STARD9: variants seen among roughly 807,000 people sequenced by gnomAD.
The protein encoded by STARD9 is stAR-related lipid transfer protein 9.
A neutral mutation model predicts 399.8 loss-of-function variants in STARD9; 346 were observed. The ratio of observed to expected loss-of-function variants is 0.87; its 90% CI spans 0.79 to 0.95. The LOEUF (loss-of-function observed/expected upper bound fraction) is 0.95, where lower values mean the gene tolerates loss of function less well. STARD9 is among the 40% of genes least tolerant of loss of function. The probability of loss-of-function intolerance (pLI) is 0.00; values close to 1 mark genes in which losing one functional copy is unlikely to be tolerated. For missense variants in STARD9, 5,832 were observed against 5,667.5 expected (o/e 1.03, Z -0.93); for synonymous variants, 2,203 against 2,143.5 (o/e 1.03, Z -0.77).
chr15:42,673,049 G>C (rs2140154965), intron 16 of STARD9: 1 of 151,288 alleles, frequency 6.6e-6, no homozygotes, highest in East Asian at 1.9e-4. Flanking sequence ...GGTGAGCCAA[G>C]ATCGTGCCAC....
intron 26 of STARD9, among the ~76,000 whole-genome samples, chr15:42,711,217 G>A (rs1448214680): frequency 6.7e-6 from 1 of 149,998 alleles, no homozygotes; most frequent in Non-Finnish European, 1.5e-5. Flanking sequence ...TCGGCTCACT[G>A]CAACCTCTGC....
In STARD9 at chr15:42,690,808, G is replaced by C; in HGVS notation, c.9230G>C (p.Gly3077Ala). 1 of 1,537,244 alleles carries C rather than the reference G, an allele frequency of 6.5e-7. No homozygotes were observed. Among genetic ancestry groups the C allele is most frequent in the African/African-American group, 1.4e-5 (1 of 73,132 alleles). ...TGSFSHSATD[G>A]SVGLIGVPEK... Reference sequence around the variant, plus strand: ...TCCTTCAGCCACTCAGCTACTGATGGAAGCGTGGGGTTAATAGGGGTTCCT... The same window carrying C: ...TCCTTCAGCCACTCAGCTACTGATGCAAGCGTGGGGTTAATAGGGGTTCCT... Residue 3077 changes from glycine (G) to alanine (A), a missense_variant, in exon 23 of 33, where the codon GGA becomes GCA. By Grantham distance (60) the Gly-to-Ala change is moderately conservative. Coordinates refer to ENST00000290607, the MANE Select transcript of STARD9 (RefSeq NM_020759.3).
At chr15:42,674,210 AT>A (rs1213183239) in intron 16 of STARD9, among the ~76,000 whole-genome samples, 1 of 152,172 alleles carries the variant, frequency 6.6e-6, no homozygotes, top group Non-Finnish European at 1.5e-5. Flanking sequence ...TTTGTGGTAT[AT>A]TTTTTAGCTC....
intron 3 of STARD9, among the ~76,000 whole-genome samples, chr15:42,586,301 G>T (rs2058276325): frequency 6.6e-6 from 1 of 152,232 alleles, no homozygotes; most frequent in African/African-American, 2.4e-5. Context: ...AGCCTGCAAG[G>T]TAGGTAGGAG....
At chr15:42,675,066 A>G in intron 18 of STARD9, 102 bp downstream of exon 18, 1 of 1,266,842 alleles carries the variant, frequency 7.9e-7, no homozygotes, top group East Asian at 2.8e-5. Flanking sequence ...AAAATGGATC[A>G]CCCAGCCTCT....
chr15:42,712,682 A>G (rs539014277), intron 26 of STARD9, among the ~76,000 whole-genome samples: 18 of 152,238 alleles, frequency 1.2e-4, no homozygotes, highest in East Asian at 3.9e-4. Context: ...CTACATATCT[A>G]TCCTTATGCC....
chr15:42,606,428 C>G (rs528828949), intron 3 of STARD9, among the ~76,000 whole-genome samples: 2 of 152,292 alleles, frequency 1.3e-5, no homozygotes, highest in African/African-American at 2.4e-5. Context: ...ATTGGCCCCT[C>G]TCTCTGAGAT....
chr15:42,602,045 C>T (rs1375184500), intron 3 of STARD9, among the ~76,000 whole-genome samples: 2 of 152,196 alleles, frequency 1.3e-5, no homozygotes, highest in Non-Finnish European at 2.9e-5. Context: ...CAGTGTTTCA[C>T]CATGTTGGCC....
At chr15:42,642,488 A>G (rs1303055117) in intron 7 of STARD9, among the ~76,000 whole-genome samples, 2 of 152,232 alleles carry the variant, frequency 1.3e-5, no homozygotes, top group Admixed American at 6.5e-5. Context: ...ATTTTAATAT[A>G]AAGGTACAGG....
In STARD9 at chr15:42,689,875, A is replaced by G; in HGVS notation, c.8297A>G (p.Gln2766Arg). The G allele has an allele frequency of 2.0e-6, 3 of 1,537,546 alleles. No homozygotes were observed. The highest frequency in any genetic ancestry group is 1.7e-4 in the Middle Eastern group (1 of 5,994). ...CATGAGCTAAGTCAGTCAGTTCCGCAGGAGACTGCAGAGGGCATACCCCCT... is the reference window on the plus strand; with the variant it reads ...CATGAGCTAAGTCAGTCAGTTCCGCGGGAGACTGCAGAGGGCATACCCCCT... ...TLHELSQSVPQETAEGIPPGS... is the reference protein window; with the variant it reads ...TLHELSQSVPRETAEGIPPGS... The change falls in exon 23 of 33, where the codon CAG becomes CGG. Residue 2766 changes from glutamine to arginine, a missense_variant. Gln to Arg is a conservative substitution (Grantham distance 43). Coordinates refer to ENST00000290607, the MANE Select transcript of STARD9 (RefSeq NM_020759.3).
chr15:42,711,488 C>T (rs1163239403), intron 26 of STARD9, among the ~76,000 whole-genome samples: 1 of 152,182 alleles, frequency 6.6e-6, no homozygotes, highest in African/African-American at 2.4e-5. Context: ...TTAGGGACCA[C>T]TCTAATCCAG....
At chr15:42,597,334 A>G (rs895643189) in intron 3 of STARD9, among the ~76,000 whole-genome samples, 12 of 152,156 alleles carry the variant, frequency 7.9e-5, no homozygotes, top group Non-Finnish European at 1.3e-4. Flanking sequence ...GATTATAGGC[A>G]TAAGCCACCG....
rs74626491 is a variant in STARD9 at position 42,677,925 on chromosome 15, C to A, written c.1874+1950C>A. On this transcript the variant is annotated intron_variant, in intron 20 of 32. Transcript: ENST00000290607. ...ATCATGGTGTTGTGCTCTTCTCTTG[C>A]CTTTTTAAAGTCTTCTATGGCTCTC... Among the ~76,000 whole-genome samples the A allele has an allele frequency of 9.0e-3, 1,365 of 152,330 alleles. 56 individuals are homozygous for A. The highest frequency in any genetic ancestry group is 0.064 in the Admixed American group (982 of 15,302).
intron 3 of STARD9, among the ~76,000 whole-genome samples, chr15:42,633,650 T>C (rs528375575): frequency 7.3e-5 from 11 of 151,252 alleles, no homozygotes; most frequent in East Asian, 3.9e-4. Context: ...TTCTTTCTTT[T>C]TTTTTTTTTT....
Position 42,691,361 on chromosome 15 carries a change from G to T in STARD9, c.9783G>T (p.Lys3261Asn). The T allele has an allele frequency of 6.5e-7, 1 of 1,537,204 alleles. No homozygotes were observed. The highest frequency in any genetic ancestry group is 8.7e-7 in the Non-Finnish European group (1 of 1,146,896). Residue 3261 changes from lysine to asparagine, a missense_variant, in exon 23 of 33, where the codon AAG becomes AAT. This residue lies in a region of STARD9 where 5,828 missense variants were observed against 5,651.1 expected (regional missense o/e 1.03). Coordinates refer to ENST00000290607, the MANE Select transcript of STARD9 (RefSeq NM_020759.3). Reference sequence around the variant, plus strand: ...CTGTGGCCAAGCCTCCTGTGTCCAAGATTTTATCACAGGGCTTCAAAGACC... The same window carrying T: ...CTGTGGCCAAGCCTCCTGTGTCCAATATTTTATCACAGGGCTTCAAAGACC... ...EVAVAKPPVS[K>N]ILSQGFKDPA... is the part of the protein sequence containing the mutation.
chr15:42,598,000 A>ATATGTGTGTGTG (rs1555388916), intron 3 of STARD9, among the ~76,000 whole-genome samples: 37 of 115,182 alleles, frequency 3.2e-4, no homozygotes, highest in African/African-American at 9.6e-4. Context: ...GTATATATAT[A>ATATGTGTGTGTG]TGTGTGTGTG....
chr15:42,647,814 C>T (rs903262610), intron 7 of STARD9, among the ~76,000 whole-genome samples: 1 of 151,916 alleles, frequency 6.6e-6, no homozygotes, highest in African/African-American at 2.4e-5. Flanking sequence ...TTTTTCGTTA[C>T]TTTGTCTTTT....
chr15:42,687,047 G>C lies in STARD9; in HGVS notation c.5469G>C (p.Leu1823=), dbSNP rs1276115110. 1 of 1,536,946 alleles carries C rather than the reference G, an allele frequency of 6.5e-7. No individual in the cohort carries two copies. The highest frequency in any genetic ancestry group is 1.4e-5 in the African/African-American group (1 of 73,032). The part of the protein sequence containing the change: ...QQVTAEIPVD[L]NTREVIRESG... ...TCACAGCTGAGATACCAGTTGATCT[G>C]AATACCAGGGAAGTCATCAGAGAAT... The change falls in exon 23 of 33, where the codon CTG becomes CTC. Residue 1823 remains leucine, a synonymous_variant. Coordinates refer to ENST00000290607, the MANE Select transcript of STARD9 (RefSeq NM_020759.3).
intron 7 of STARD9, among the ~76,000 whole-genome samples, chr15:42,645,375 C>A (rs2059625729): frequency 6.6e-6 from 1 of 152,160 alleles, no homozygotes; most frequent in Non-Finnish European, 1.5e-5. Flanking sequence ...TGTACGTCTC[C>A]ATCAGAGCCC....
Sources: allele counts gnomAD v4.1 joint callset (sites outside exome capture counted in the v4.1 genomes callset), GRCh38; gene constraint gnomAD v4.1.1; regional missense constraint gnomAD v4.1.1; transcripts MANE v1.5; gene names NCBI Gene and HGNC (gene_info 2026-07-23, HGNC 2026-07-21).